HBS1L: variants seen among roughly 807,000 people sequenced by gnomAD.
The protein encoded by HBS1L is HBS1-like protein.
In HBS1L, 55 loss-of-function variants were observed where a neutral mutation model predicts 88.9. The ratio of observed to expected loss-of-function variants is 0.62; its 90% CI spans 0.50 to 0.77. The LOEUF is 0.77. HBS1L is among the 30% of genes least tolerant of loss of function. The pLI is 0.00. For missense variants in HBS1L, 741 were observed against 829.3 expected (o/e 0.89, Z 1.31); for synonymous variants, 267 against 288.5 (o/e 0.93, Z 0.76).
intron 7 of HBS1L, among the ~76,000 whole-genome samples, chr6:134,996,151 C>T (rs189285725): frequency 1.3e-5 from 2 of 152,130 alleles, no homozygotes; most frequent in Admixed American, 6.6e-5. Context: ...GCTCTCCTAC[C>T]CTAGCTACCC....
Position 135,042,005 on chromosome 6 carries a change from A to C in HBS1L, c.231T>G (p.Asp77Glu), listed in dbSNP as rs926286543. Residue 77 changes from aspartate to glutamate, a missense_variant, in exon 3 of 18, where the codon GAT (aspartate) becomes GAG (glutamate). By Grantham distance (45) the Asp-to-Glu change is conservative. This residue lies in a region of HBS1L where 556 missense variants were observed against 598.4 expected (regional missense o/e 0.93). Coordinates refer to ENST00000367837, the MANE Select transcript of HBS1L (RefSeq NM_006620.4). ...SVSNHQLSGFDQARLYSCLDH... is the reference protein window; with the variant it reads ...SVSNHQLSGFEQARLYSCLDH... ...ATACACTACTTTTTGCTATACCTTG[A>C]TCAAATCCACTGAGCTGATGGTTTG... is the stretch of plus-strand genomic sequence containing the variant. The C allele has an allele frequency of 1.2e-6, 2 of 1,612,950 alleles. No homozygotes were observed. Among genetic ancestry groups the C allele is most frequent in the East Asian group, 2.2e-5 (1 of 44,806 alleles).
chr6:134,996,865 G>A lies in HBS1L; in HGVS notation c.877C>T (p.His293Tyr), dbSNP rs142923497. The A allele has an allele frequency of 1.7e-5, 28 of 1,611,098 alleles. No individual in the cohort carries two copies. The African/African-American group carries it at 3.3e-4, about 19-fold the overall frequency. The stretch of plus-strand genomic sequence containing the variant: ...TTTTTAGACTCCTGTTCATACTTAT[G>A]CATAGTTCTTTTGTTTATATTACCC... ...LLGNINKRTMHKYEQESKKAG... is the reference protein window; with the variant it reads ...LLGNINKRTMYKYEQESKKAG... Residue 293 changes from histidine to tyrosine, a missense_variant, in exon 7 of 18, where the codon CAT (histidine) becomes TAT (tyrosine). This residue lies in a region of HBS1L where 556 missense variants were observed against 598.4 expected (regional missense o/e 0.93). Coordinates refer to ENST00000367837, the MANE Select transcript of HBS1L (RefSeq NM_006620.4).
chr6:134,973,140 C>A (rs1277028818), intron 15 of HBS1L, among the ~76,000 whole-genome samples: 1 of 152,206 alleles, frequency 6.6e-6, no homozygotes, highest in Non-Finnish European at 1.5e-5. Flanking sequence ...GATACTTGTA[C>A]ACCCGTTTTC....
chr6:134,976,077 C>T (rs538625632), intron 15 of HBS1L, among the ~76,000 whole-genome samples: 1 of 152,076 alleles, frequency 6.6e-6, no homozygotes, highest in South Asian at 2.1e-4. Context: ...CAAACAATTC[C>T]ATCAGGAAAT....
In HBS1L at chr6:134,982,494, G is replaced by A. The variant is rs1456907362; in HGVS notation, c.1561C>T (p.Leu521=). The change falls in exon 13 of 18, where the codon CTG becomes TTG. Residue 521 remains leucine (L), a synonymous_variant. Coordinates refer to ENST00000367837, the MANE Select transcript of HBS1L (RefSeq NM_006620.4). ...CAAGTTTCATTAGGAGGCATTGCCA[G>A]TAGTCGGTCACCAGTTTGGATATAA... The part of the protein sequence containing the change: ...AGYIQTGDRL[L]AMPPNETCTV... 1 of 1,610,806 alleles carries A rather than the reference G, an allele frequency of 6.2e-7. No individual in the cohort carries two copies. The highest frequency in any genetic ancestry group is 2.2e-5 in the East Asian group (1 of 44,812).
intron 4 of HBS1L, among the ~76,000 whole-genome samples, chr6:135,031,827 T>C (rs889706017): frequency 2.2e-4 from 34 of 151,792 alleles, no homozygotes; most frequent in African/African-American, 7.5e-4. Flanking sequence ...TTTATCAGTT[T>C]TGTTTTTTCT....
intron 3 of HBS1L, among the ~76,000 whole-genome samples, chr6:135,040,148 G>A (rs1776685724): frequency 6.6e-6 from 1 of 152,118 alleles, no homozygotes; most frequent in African/African-American, 2.4e-5. Context: ...TAATTTGTTA[G>A]TGAATCCAGT....
At chr6:134,999,210 A>G (rs1775376094) in intron 5 of HBS1L, among the ~76,000 whole-genome samples, 1 of 152,140 alleles carries the variant, frequency 6.6e-6, no homozygotes, top group Non-Finnish European at 1.5e-5. Context: ...GCAAGCTTGC[A>G]TTAAATTCAA....
At chr6:135,019,959 T>C (rs1323556848) in intron 4 of HBS1L, among the ~76,000 whole-genome samples, 2 of 151,764 alleles carry the variant, frequency 1.3e-5, no homozygotes, top group Non-Finnish European at 3.0e-5. Flanking sequence ...CAGTGTATTA[T>C]GGGGAAAAAA....
intron 17 of HBS1L, 32 bp downstream of exon 17, chr6:134,966,297 G>T (rs1306029630): frequency 6.4e-7 from 1 of 1,573,702 alleles, no homozygotes; most frequent in East Asian, 2.2e-5. Context: ...CATAACTATG[G>T]ATATATAATG....
chr6:135,037,865 G>A, intron 4 of HBS1L: 7 of 1,549,356 alleles, frequency 4.5e-6, no homozygotes, highest in Non-Finnish European at 5.2e-6. Flanking sequence ...TTTCTATGGA[G>A]TAAACAGTGA....
At chr6:135,037,126 G>T (rs1445938486) in intron 4 of HBS1L, 2 of 1,551,520 alleles carry the variant, frequency 1.3e-6, no homozygotes. Context: ...TCTTGTGGGA[G>T]AAGCTTTATG....
At chr6:134,969,770 T>C (rs1430791037) in intron 15 of HBS1L, among the ~76,000 whole-genome samples, 1 of 152,032 alleles carries the variant, frequency 6.6e-6, no homozygotes, top group Non-Finnish European at 1.5e-5. Context: ...GTACCTCAGT[T>C]TCCTCAAGTG....
chr6:134,980,065 G>A (rs1774782814), intron 13 of HBS1L, among the ~76,000 whole-genome samples: 2 of 151,920 alleles, frequency 1.3e-5, no homozygotes, highest in African/African-American at 4.8e-5. Context: ...CTGATTTTAT[G>A]GAATACATTT....
At chr6:134,986,559 T>C (rs1389138253) in intron 10 of HBS1L, among the ~76,000 whole-genome samples, 177 bp downstream of exon 10, 1 of 152,010 alleles carries the variant, frequency 6.6e-6, no homozygotes, top group African/African-American at 2.4e-5. Context: ...ATTAAACATA[T>C]GCAATTTTCT....
Position 134,961,091 on chromosome 6 carries a change from T to TC in HBS1L, c.*4187_*4188insG, listed in dbSNP as rs1774177948. The TC allele has an allele frequency of 1.6e-4, 1 of 6,402 alleles. No individual in the cohort carries two copies. The highest frequency in any genetic ancestry group is 3.5e-4 in the Non-Finnish European group (1 of 2,840). The allele number at this position is 6,402 out of a possible 1,614,324, so 0.4% of individuals were successfully genotyped here. A position where few individuals can be genotyped will look rare whatever the true frequency, so the allele number is the denominator to read the frequency against. On this transcript the variant is annotated 3_prime_UTR_variant, in exon 18 of 18. Coordinates refer to ENST00000367837, the MANE Select transcript of HBS1L (RefSeq NM_006620.4). Reference sequence around the variant, plus strand: ...TGCTGTACAGACTTAGTTTCTTTGCTTTTTTTTTTTTTTTTTTTGCATTGA... The same window carrying TC: ...TGCTGTACAGACTTAGTTTCTTTGCTCTTTTTTTTTTTTTTTTTTGCATTGA...
At chr6:134,999,651 T>C (rs1172501234) in intron 5 of HBS1L, among the ~76,000 whole-genome samples, 1 of 152,018 alleles carries the variant, frequency 6.6e-6, no homozygotes, top group Non-Finnish European at 1.5e-5. Context: ...TTTCACCACA[T>C]TGGCCAGGCT....
chr6:135,037,382 G>A, intron 4 of HBS1L: 1 of 1,550,948 alleles, frequency 6.4e-7, no homozygotes. Flanking sequence ...TTAAAAGTGT[G>A]ATTCTTGGCA....
intron 8 of HBS1L, among the ~76,000 whole-genome samples, chr6:134,988,716 G>C (rs1775050430): frequency 6.6e-6 from 1 of 152,148 alleles, no homozygotes; most frequent in Non-Finnish European, 1.5e-5. Context: ...TATTGCTCAT[G>C]GGACTGTAGG....
Sources: allele counts gnomAD v4.1 joint callset (sites outside exome capture counted in the v4.1 genomes callset), GRCh38; gene constraint gnomAD v4.1.1; regional missense constraint gnomAD v4.1.1; transcripts MANE v1.5; gene names NCBI Gene and HGNC (gene_info 2026-07-23, HGNC 2026-07-21).